TMEM178A: variants seen among roughly 807,000 people sequenced by gnomAD.
The protein encoded by TMEM178A is transmembrane protein 178A, also known as transmembrane protein 178.
TMEM178A carries 12 observed loss-of-function variants against 29.1 expected under a neutral mutation model. The ratio of observed to expected loss-of-function variants is 0.41; its 90% CI spans 0.26 to 0.67. The LOEUF is 0.67. TMEM178A is among the 30% of genes least tolerant of loss of function. The pLI is 0.29. For synonymous variants in TMEM178A, 210 were observed against 187.2 expected (o/e 1.12, Z -0.99); for missense variants, 366 against 419.1 (o/e 0.87, Z 1.11).
intron 2 of TMEM178A, 147 bp from the exon 3 acceptor site, chr2:39,706,902 T>C (rs1056130286): frequency 8.2e-6 from 7 of 848,632 alleles, no homozygotes; most frequent in Non-Finnish European, 1.1e-5. Flanking sequence ...CTGGGAAGAG[T>C]ATTCCCTATG....
the TMEM178A span, among the ~76,000 whole-genome samples, chr2:39,729,574 A>G: frequency 1.3e-5 from 2 of 152,168 alleles, no homozygotes; most frequent in African/African-American, 4.8e-5. Context: ...TTCGCATGTA[A>G]AATATGCAAT....
the TMEM178A span, among the ~76,000 whole-genome samples, chr2:39,729,702 G>T: frequency 6.6e-6 from 1 of 152,146 alleles, no homozygotes; most frequent in African/African-American, 2.4e-5. Context: ...CTGATATTCT[G>T]TAAGTTAGGG....
At chr2:39,721,472 G>C (rs1439742247), downstream of TMEM178A, among the ~76,000 whole-genome samples, 1 of 152,064 alleles carries the variant, frequency 6.6e-6, no homozygotes, top group Non-Finnish European at 1.5e-5. Flanking sequence ...GCTACTATAA[G>C]GTCTGGCTAT....
At chr2:39,715,727 G>C (rs1672506323) in intron 3 of TMEM178A, among the ~76,000 whole-genome samples, 1 of 152,184 alleles carries the variant, frequency 6.6e-6, no homozygotes, top group African/African-American at 2.4e-5. Context: ...TTTGGAAGCG[G>C]ATTCAGGCAA....
downstream of TMEM178A, among the ~76,000 whole-genome samples, chr2:39,719,368 C>G (rs537922787): frequency 1.3e-5 from 2 of 152,146 alleles, no homozygotes; most frequent in African/African-American, 4.8e-5. Context: ...GAAAGCCTCG[C>G]GGTAGCAGGA....
At chr2:39,713,448 C>T (rs574546509) in intron 3 of TMEM178A, among the ~76,000 whole-genome samples, 7 of 152,254 alleles carry the variant, frequency 4.6e-5, no homozygotes, top group Admixed American at 4.6e-4. Flanking sequence ...TACCTCAGAA[C>T]GTGACAGTAT....
At chr2:39,673,235 A>T (rs905186380) in intron 1 of TMEM178A, among the ~76,000 whole-genome samples, 1 of 152,162 alleles carries the variant, frequency 6.6e-6, no homozygotes, top group East Asian at 1.9e-4. Context: ...CTGCAGAGTC[A>T]CGGGAAACTA....
At chr2:39,675,616 A>T (rs1670584572) in intron 1 of TMEM178A, among the ~76,000 whole-genome samples, 1 of 152,098 alleles carries the variant, frequency 6.6e-6, no homozygotes, top group Non-Finnish European at 1.5e-5. Flanking sequence ...AATCTGTGGC[A>T]TGGGTGTTTT....
At chr2:39,708,297 G>A (rs938197572) in intron 3 of TMEM178A, among the ~76,000 whole-genome samples, 1 of 152,024 alleles carries the variant, frequency 6.6e-6, no homozygotes, top group African/African-American at 2.4e-5. Context: ...TGAGGTGGGG[G>A]AAGTGGGCAG....
chr2:39,720,282 A>C (rs1672675480), downstream of TMEM178A, among the ~76,000 whole-genome samples: 1 of 152,124 alleles, frequency 6.6e-6, no homozygotes, highest in Non-Finnish European at 1.5e-5. Flanking sequence ...AGAATGACAA[A>C]AGTGTGCCCC....
At chr2:39,706,919 T>G in intron 2 of TMEM178A, 130 bp from the exon 3 acceptor site, 2 of 1,066,116 alleles carry the variant, frequency 1.9e-6, no homozygotes, top group Non-Finnish European at 2.7e-6. Context: ...TATGCCTCCT[T>G]GTCCTGTGGG....
the TMEM178A span, among the ~76,000 whole-genome samples, chr2:39,727,392 TAAAA>T: frequency 6.6e-6 from 1 of 152,206 alleles, no homozygotes; most frequent in Non-Finnish European, 1.5e-5. Context: ...GAACATGCAC[TAAAA>T]AAACTCACCT....
At chr2:39,691,851 G>A (rs1375707060) in intron 1 of TMEM178A, among the ~76,000 whole-genome samples, 2 of 151,510 alleles carry the variant, frequency 1.3e-5, no homozygotes, top group Non-Finnish European at 2.9e-5. Flanking sequence ...TTCATCTGTA[G>A]ATGGACCTTT....
At chr2:39,732,898 T>G in the TMEM178A span, among the ~76,000 whole-genome samples, 1 of 152,206 alleles carries the variant, frequency 6.6e-6, no homozygotes, top group South Asian at 2.1e-4. Context: ...CAGAGTTCCA[T>G]CAACATCCGT....
At chr2:39,687,454 T>C (rs970400438) in intron 1 of TMEM178A, 1 of 167,056 alleles carries the variant, frequency 6.0e-6, no homozygotes, top group Non-Finnish European at 1.5e-5. Context: ...CCACCCCTGA[T>C]GTGGGGCTCA....
At chr2:39,718,723 G>A (rs987165708), downstream of TMEM178A, among the ~76,000 whole-genome samples, 6 of 152,016 alleles carry the variant, frequency 3.9e-5, no homozygotes, top group Admixed American at 3.9e-4. Context: ...GTGGGTTTGG[G>A]ACAACAGTTA....
chr2:39,706,300 A>G (rs1392017675), intron 2 of TMEM178A, among the ~76,000 whole-genome samples: 3 of 152,186 alleles, frequency 2.0e-5, no homozygotes, highest in Admixed American at 2.0e-4. Flanking sequence ...TTGGACTAGT[A>G]CTTCCTTCAC....
chr2:39,731,064 C>T, the TMEM178A span, among the ~76,000 whole-genome samples: 1 of 152,208 alleles, frequency 6.6e-6, no homozygotes, highest in African/African-American at 2.4e-5. Flanking sequence ...AGTCTCTTGT[C>T]TCACTGTCAT....
chr2:39,723,618 A>G, the TMEM178A span, among the ~76,000 whole-genome samples: 1 of 152,060 alleles, frequency 6.6e-6, no homozygotes, highest in African/African-American at 2.4e-5. Context: ...TGGGTGAGGG[A>G]CTGCCTCAGT....
Sources: gnomAD v4.1 joint callset for allele counts (sites outside exome capture counted in the v4.1 genomes callset) on GRCh38, gnomAD v4.1.1 for gene constraint, MANE v1.5 for transcripts, NCBI Gene and HGNC (gene_info 2026-07-23, HGNC 2026-07-21) for gene names.